Variants in WDR1 observed in about 807,000 individuals in gnomAD.
WDR1 encodes the protein WD repeat-containing protein 1.
WDR1 carries 21 observed loss-of-function variants against 71.9 expected under a neutral mutation model. That is an observed-to-expected ratio of 0.29 (90% confidence interval 0.21 to 0.42). WDR1 has a LOEUF of 0.42. WDR1 is among the 10% of genes least tolerant of loss of function. The pLI, the probability that WDR1 is intolerant of heterozygous loss-of-function variation, is 1.00. For synonymous variants in WDR1, 424 were observed against 347.4 expected (o/e 1.22, Z -2.45); for missense variants, 696 against 824.5 (o/e 0.84, Z 1.91).
At chr4:10,092,706 T>C (rs1213134775) in intron 5 of WDR1, 1 of 272,150 alleles carries the variant, frequency 3.7e-6, no homozygotes, top group Non-Finnish European at 7.4e-6. Context: ...GAAAAGCCCA[T>C]TAACCAAAAA....
rs920357802 is a variant in WDR1, at chr4:10,097,618, C to T, written c.558+93G>A. Reference sequence around the variant, plus strand: ...TGTATCATGGCATACGTGGCATGTGCTGTGGTCTCTGCCATCAGCATCTAA... The same window carrying T: ...TGTATCATGGCATACGTGGCATGTGTTGTGGTCTCTGCCATCAGCATCTAA... On this transcript the variant is annotated intron_variant, in intron 5 of 14. Transcript: ENST00000499869. 7.7e-6 allele frequency: 11 copies of T among 1,428,168 alleles called. No homozygotes were observed. The African/African-American group carries it at 1.3e-4, about 16-fold the overall frequency. 88.5% of individuals were successfully genotyped at this position (1,428,168 alleles called of 1,614,324 possible).
intron 5 of WDR1, chr4:10,094,590 G>C (rs148355573): frequency 6.6e-6 from 1 of 152,334 alleles, no homozygotes; most frequent in East Asian, 1.9e-4. Flanking sequence ...TTCGCAAAAT[G>C]CCAGTGCTGG....
Position 10,097,909 on chromosome 4 carries a change from G to A in WDR1, c.378-18C>T, listed in dbSNP as rs1163669395. On this transcript the variant is annotated intron_variant, in intron 4 of 14. Transcript: ENST00000499869. ...CTCCAAACCTTGACCCAATGACACAGGTGGAAGACAAAAAAAAAAAAAAAA... is the reference window on the plus strand; with the variant it reads ...CTCCAAACCTTGACCCAATGACACAAGTGGAAGACAAAAAAAAAAAAAAAA... 3 of 1,460,236 alleles carry A rather than the reference G, an allele frequency of 2.1e-6. No individual in the cohort carries two copies. The highest frequency in any genetic ancestry group is 1.8e-6 in the Non-Finnish European group (2 of 1,100,252). The allele number at this position is 1,460,236 out of a possible 1,614,324, so 90.5% of individuals were successfully genotyped here.
chr4:10,084,290 A>G, intron 9 of WDR1, 153 bp downstream of exon 9: 2 of 652,244 alleles, frequency 3.1e-6, no homozygotes, highest in Non-Finnish European at 5.5e-6. Flanking sequence ...ATGTACAGAC[A>G]GGCCACCCCT....
chr4:10,113,883 C>T (rs1713544863), intron 2 of WDR1, among the ~76,000 whole-genome samples: 1 of 152,186 alleles, frequency 6.6e-6, no homozygotes, highest in Non-Finnish European at 1.5e-5. Context: ...ACGTGGGAAA[C>T]ACAAATTTGG....
intron 10 of WDR1, among the ~76,000 whole-genome samples, chr4:10,082,354 T>G (rs188421963): frequency 2.6e-5 from 4 of 151,218 alleles, no homozygotes; most frequent in Non-Finnish European, 5.9e-5. Context: ...GACTACCGGG[T>G]GACAAAGGGG....
At chr4:10,111,805 C>T (rs551118221) in intron 2 of WDR1, among the ~76,000 whole-genome samples, 2 of 144,234 alleles carry the variant, frequency 1.4e-5, no homozygotes, top group Non-Finnish European at 3.0e-5. Context: ...CCCCAACCCC[C>T]CACTTGGTCT....
chr4:10,084,397 C>T (rs758541532), intron 9 of WDR1, 46 bp downstream of exon 9: 4 of 1,574,020 alleles, frequency 2.5e-6, no homozygotes, highest in Middle Eastern at 1.7e-4. Flanking sequence ...GAAATTCCCC[C>T]CTAGAGCCAG....
rs776652808 is a variant in WDR1, at chr4:10,087,925, C to A, written c.733G>T (p.Asp245Tyr). 6.4e-7 allele frequency: 1 copy of A among 1,554,694 alleles called. No individual in the cohort carries two copies. The highest frequency in any genetic ancestry group is 8.7e-7 in the Non-Finnish European group (1 of 1,148,446). ...GAAGCAGAAAGCAAATGGGTGCTGT[C>A]GGGACTCCAACTAATCTATTCAGAA... ...GGIYAISWSP[D>Y]STHLLSASGD... Residue 245 changes from aspartate to tyrosine, a missense_variant, in exon 8 of 15, where the codon GAC becomes TAC. Coordinates refer to ENST00000499869, the MANE Select transcript of WDR1 (RefSeq NM_017491.5).
chr4:10,114,373 A>G (rs1351265932), intron 2 of WDR1, among the ~76,000 whole-genome samples: 1 of 152,214 alleles, frequency 6.6e-6, no homozygotes, highest in African/African-American at 2.4e-5. Flanking sequence ...CATTAGAAGC[A>G]GCTCCAGTTA....
At position 10,075,163 on chromosome 4, in the gene WDR1, G is replaced by A. The variant is rs956842781; in HGVS notation, c.*215C>T. 1.8e-6 allele frequency: 1 copy of A among 544,796 alleles called. No individual in the cohort carries two copies. Among genetic ancestry groups the A allele is most frequent in the Non-Finnish European group, 3.3e-6 (1 of 306,138 alleles). The allele number at this position is 544,796 out of a possible 1,614,324, so 33.7% of individuals were successfully genotyped here. A position where few individuals can be genotyped will look rare whatever the true frequency, so the allele number is the denominator to read the frequency against. ...TGCTCCACACATTGTTTAGGTGCTC[G>A]CTTTATTTTTCATGTGCAAACTGTT... On this transcript the variant is annotated 3_prime_UTR_variant, in exon 15 of 15. Coordinates refer to ENST00000499869, the MANE Select transcript of WDR1 (RefSeq NM_017491.5).
chr4:10,102,129 GTT>G (rs1230749755), intron 3 of WDR1, among the ~76,000 whole-genome samples: 2 of 152,230 alleles, frequency 1.3e-5, no homozygotes. Context: ...CAGAGCCCCA[GTT>G]TTGTGACAGG....
intron 5 of WDR1, among the ~76,000 whole-genome samples, chr4:10,094,388 G>A (rs1464825008): frequency 1.3e-5 from 2 of 152,216 alleles, no homozygotes. Flanking sequence ...CCCAAGTAAT[G>A]CGCATGGCGA....
chr4:10,081,326 C>A (rs1005493034), intron 11 of WDR1, 31 bp downstream of exon 11: 2 of 1,606,796 alleles, frequency 1.2e-6, no homozygotes, highest in South Asian at 2.2e-5. Context: ...CAGCTGCAGG[C>A]TCCCACCCAA....
At chr4:10,082,838 A>G (rs1165001203) in intron 10 of WDR1, among the ~76,000 whole-genome samples, 184 bp downstream of exon 10, 1 of 152,118 alleles carries the variant, frequency 6.6e-6, no homozygotes, top group African/African-American at 2.4e-5. Context: ...TACCCAGACC[A>G]CCTGGATCTG....
At chr4:10,116,589 G>GACGGGGA (rs1202863113) in intron 1 of WDR1, 62 bp downstream of exon 1, 2 of 1,139,854 alleles carry the variant, frequency 1.8e-6, no homozygotes, top group Non-Finnish European at 2.2e-6. Flanking sequence ...GCGCCTAGGG[G>GACGGGGA]CCGGGGACCG....
At chr4:10,098,154 C>T (rs1034795639) in intron 4 of WDR1, among the ~76,000 whole-genome samples, 11 of 152,170 alleles carry the variant, frequency 7.2e-5, no homozygotes, top group African/African-American at 1.4e-4. Context: ...TGGGGCCCCA[C>T]GCCACAGGGC....
chr4:10,088,656 G>C lies in WDR1; in HGVS notation c.636+8C>G. 6.3e-7 allele frequency: 1 copy of C among 1,599,662 alleles called. No homozygotes were observed. The highest frequency in any genetic ancestry group is 1.1e-5 in the South Asian group (1 of 88,174). Reference sequence around the variant, plus strand: ...ATTCCCCACCCCAAAACCCATCCCAGTTCTTACCTGGCCGTCAGCACTGGC... The same window carrying C: ...ATTCCCCACCCCAAAACCCATCCCACTTCTTACCTGGCCGTCAGCACTGGC... On this transcript the variant is annotated splice_region_variant and intron_variant, in intron 6 of 14. Coordinates refer to ENST00000499869, the MANE Select transcript of WDR1 (RefSeq NM_017491.5).
chr4:10,088,233 A>T, intron 7 of WDR1, 60 bp downstream of exon 7: 2 of 1,465,206 alleles, frequency 1.4e-6, no homozygotes, highest in Non-Finnish European at 1.9e-6. Context: ...GTGTGGATGG[A>T]CTGACACGTG....
Sources: gnomAD v4.1 joint callset for allele counts (sites outside exome capture counted in the v4.1 genomes callset) on GRCh38, gnomAD v4.1.1 for gene constraint, MANE v1.5 for transcripts, NCBI Gene and HGNC (gene_info 2026-07-23, HGNC 2026-07-21) for gene names.